CTNNA3: variants seen among roughly 807,000 people sequenced by gnomAD.
CTNNA3 encodes the protein catenin alpha-3.
Under a neutral mutation model 95.7 loss-of-function variants are expected in CTNNA3, and 76 were observed. The ratio of observed to expected loss-of-function variants is 0.79; its 90% confidence interval spans 0.66 to 0.96. CTNNA3 has a LOEUF of 0.96. Ranked by LOEUF, CTNNA3 falls within the 40% of genes least tolerant of loss-of-function variation. CTNNA3 has a pLI of 0.00. For missense variants in CTNNA3, 1,191 were observed against 1,089.8 expected (o/e 1.09, Z -1.31); for synonymous variants, 431 against 374.4 (o/e 1.15, Z -1.74).
intron 11 of CTNNA3, among the ~76,000 whole-genome samples, chr10:66,412,247 A>T (rs2093111293): frequency 6.6e-6 from 1 of 152,266 alleles, no homozygotes; most frequent in East Asian, 1.9e-4. Context: ...ATAGCATCTT[A>T]AAAGAGAGAT....
intron 9 of CTNNA3, among the ~76,000 whole-genome samples, chr10:66,742,879 C>T (rs948109200): frequency 6.6e-6 from 1 of 152,128 alleles, no homozygotes; most frequent in African/African-American, 2.4e-5. Context: ...AATATGTAAA[C>T]ATCTTACCTT....
chr10:67,705,030 G>C (rs1156315893), intron 1 of CTNNA3, among the ~76,000 whole-genome samples: 4 of 151,938 alleles, frequency 2.6e-5, no homozygotes, highest in African/African-American at 9.7e-5. Flanking sequence ...TGAAAAAATG[G>C]TCACCATCAC....
At chr10:67,057,365 T>G (rs1392105451) in intron 7 of CTNNA3, among the ~76,000 whole-genome samples, 1 of 152,060 alleles carries the variant, frequency 6.6e-6, no homozygotes, top group African/African-American at 2.4e-5. Context: ...CTGTGCATGG[T>G]CTTCAGAGCT....
At chr10:66,627,677 G>A (rs1427136957) in intron 9 of CTNNA3, among the ~76,000 whole-genome samples, 1 of 151,880 alleles carries the variant, frequency 6.6e-6, no homozygotes, top group East Asian at 1.9e-4. Flanking sequence ...CCTGCCTCTG[G>A]GTTTAGTCAG....
At chr10:66,110,047 A>AT (rs568841125) in intron 13 of CTNNA3, among the ~76,000 whole-genome samples, 7 of 152,166 alleles carry the variant, frequency 4.6e-5, no homozygotes, top group South Asian at 2.1e-4. Flanking sequence ...CTCATGTATC[A>AT]TTTTTTTGTG....
At chr10:67,180,654 G>A in intron 6 of CTNNA3, 134 bp from the exon 7 acceptor site, 1 of 680,626 alleles carries the variant, frequency 1.5e-6, no homozygotes, top group South Asian at 1.8e-5. Context: ...GCCTCGGCTG[G>A]TTCACACATA....
At position 67,529,653 on chromosome 10, in the gene CTNNA3, T is replaced by TAAATA. The variant is rs756383076; in HGVS notation, c.460-7697_460-7693dup. Among the ~76,000 whole-genome samples the TAAATA allele has an allele frequency of 4.3e-3, 650 of 150,888 alleles. 4 individuals are homozygous for TAAATA. The highest frequency in any genetic ancestry group is 0.01 in the African/African-American group (418 of 41,062). ...AACTTAAAGTATAATAATAATACAA[T>TAAATA]AAATAAAATAAAATAAAATAAAATA... On this transcript the variant is annotated intron_variant, in intron 4 of 17. Transcript: ENST00000433211.
chr10:66,618,177 C>A (rs1258704112), intron 10 of CTNNA3, among the ~76,000 whole-genome samples: 3 of 151,886 alleles, frequency 2.0e-5, no homozygotes, highest in African/African-American at 4.8e-5. Context: ...ATCAAGCTAC[C>A]AATGACTTTC....
At chr10:66,621,575 G>C in intron 10 of CTNNA3, 117 bp downstream of exon 10, 1 of 577,934 alleles carries the variant, frequency 1.7e-6, no homozygotes, top group Non-Finnish European at 3.0e-6. Flanking sequence ...CTGGGCAACA[G>C]AGCGAGACCT....
At chr10:66,291,928 T>C (rs2132195745) in intron 12 of CTNNA3, among the ~76,000 whole-genome samples, 1 of 151,178 alleles carries the variant, frequency 6.6e-6, no homozygotes, top group African/African-American at 2.4e-5. Flanking sequence ...TATATGTATA[T>C]ATGTATTATA....
At chr10:67,553,705 C>G (rs558835611) in intron 3 of CTNNA3, among the ~76,000 whole-genome samples, 5 of 151,534 alleles carry the variant, frequency 3.3e-5, no homozygotes, top group South Asian at 2.1e-4. Flanking sequence ...TTCAAGAATA[C>G]AATAGAAATG....
At chr10:66,424,225 C>T (rs1029301333) in intron 11 of CTNNA3, among the ~76,000 whole-genome samples, 3 of 151,912 alleles carry the variant, frequency 2.0e-5, no homozygotes, top group Non-Finnish European at 4.4e-5. Context: ...CCTGCAAGGG[C>T]TTTGTTTATT....
intron 7 of CTNNA3, among the ~76,000 whole-genome samples, chr10:66,997,060 A>G (rs1375315672): frequency 1.3e-5 from 2 of 152,202 alleles, no homozygotes; most frequent in Non-Finnish European, 2.9e-5. Context: ...ACTAACAGAG[A>G]GTCAAACAGT....
chr10:67,742,752 T>A (rs1314133194), intron 1 of CTNNA3, among the ~76,000 whole-genome samples: 2 of 150,940 alleles, frequency 1.3e-5, no homozygotes, highest in African/African-American at 4.9e-5. Context: ...GATAGACCGC[T>A]AGCAAGACTA....
In CTNNA3 at chr10:67,615,577, A is replaced by G. The variant is rs149818024; in HGVS notation, c.100-8528T>C. ...CACCTACACTGTGCCAGAACATGGCAATGAGCCTCATTCTAAGAAGGTGGG... is the reference window on the plus strand; with the variant it reads ...CACCTACACTGTGCCAGAACATGGCGATGAGCCTCATTCTAAGAAGGTGGG... On this transcript the variant is annotated intron_variant, in intron 2 of 17. Coordinates refer to ENST00000433211, the MANE Select transcript of CTNNA3 (RefSeq NM_013266.4). Among the ~76,000 whole-genome samples the G allele has an allele frequency of 3.8e-3, 582 of 152,290 alleles. 3 individuals are homozygous for G. The highest frequency in any genetic ancestry group is 0.013 in the African/African-American group (559 of 41,570).
At chr10:65,985,717 A>G (rs1370856183) in intron 16 of CTNNA3, among the ~76,000 whole-genome samples, 1 of 151,582 alleles carries the variant, frequency 6.6e-6, no homozygotes, top group Non-Finnish European at 1.5e-5. Flanking sequence ...ATCTGAAACA[A>G]GACAAGGCTG....
chr10:66,221,742 G>A (rs1271435037), intron 13 of CTNNA3, among the ~76,000 whole-genome samples: 3 of 152,210 alleles, frequency 2.0e-5, no homozygotes, highest in Non-Finnish European at 4.4e-5. Flanking sequence ...TTTAGAAGCT[G>A]TAGTTAAAAG....
At chr10:66,333,594 C>T (rs2092357499) in intron 12 of CTNNA3, among the ~76,000 whole-genome samples, 1 of 152,044 alleles carries the variant, frequency 6.6e-6, no homozygotes, top group Non-Finnish European at 1.5e-5. Flanking sequence ...GTCTGAGAGA[C>T]AGTTTTTTAC....
intron 7 of CTNNA3, among the ~76,000 whole-genome samples, chr10:67,026,701 G>C (rs1326141006): frequency 6.6e-6 from 1 of 152,108 alleles, no homozygotes; most frequent in Non-Finnish European, 1.5e-5. Context: ...TGAGCAACCA[G>C]TGACGAAAAA....
Sources: gnomAD v4.1 joint callset for allele counts (sites outside exome capture counted in the v4.1 genomes callset) on GRCh38, gnomAD v4.1.1 for gene constraint, MANE v1.5 for transcripts, NCBI Gene and HGNC (gene_info 2026-07-23, HGNC 2026-07-21) for gene names.